The following PLCZ1 variants were observed in gnomAD, a reference collection of about 807,000 sequenced individuals.
PLCZ1 encodes 1-phosphatidylinositol 4,5-bisphosphate phosphodiesterase zeta-1.
PLCZ1 carries 64 observed loss-of-function variants against 76.8 expected under a neutral mutation model. That is an observed-to-expected ratio of 0.83 (90% CI 0.68 to 1.03). PLCZ1 has a LOEUF of 1.03. Among genes scored for constraint, PLCZ1 ranks in the 50% least tolerant of loss-of-function variants. PLCZ1 has a pLI of 0.00. For missense variants in PLCZ1, 751 were observed against 713.7 expected (o/e 1.05, Z -0.60); for synonymous variants, 248 against 230.8 (o/e 1.07, Z -0.68).
intron 3 of PLCZ1, among the ~76,000 whole-genome samples, chr12:18,724,395 C>G (rs572294596): frequency 6.6e-6 from 1 of 151,974 alleles, no homozygotes; most frequent in African/African-American, 2.4e-5. Flanking sequence ...ACTATAGTAT[C>G]ACTAACAAAT....
At chr12:18,697,201 A>C (rs1354040474) in intron 10 of PLCZ1, among the ~76,000 whole-genome samples, 2 of 152,040 alleles carry the variant, frequency 1.3e-5, no homozygotes, top group African/African-American at 4.8e-5. Flanking sequence ...GGCTCACTTC[A>C]TTTGCTAAAC....
At chr12:18,705,125 G>C (rs370540884) in intron 7 of PLCZ1, 41 bp downstream of exon 7, 10 of 1,606,382 alleles carry the variant, frequency 6.2e-6, no homozygotes, top group Admixed American at 5.0e-5. Flanking sequence ...TGTTTTCATG[G>C]ACTTTTTTCT....
At chr12:18,718,747 C>A (rs1463752292) in intron 5 of PLCZ1, among the ~76,000 whole-genome samples, 2 of 152,140 alleles carry the variant, frequency 1.3e-5, no homozygotes, top group African/African-American at 4.8e-5. Flanking sequence ...CTGTATGATT[C>A]ATTCATCCTT....
intron 2 of PLCZ1, among the ~76,000 whole-genome samples, chr12:18,736,952 C>CA (rs376695589): frequency 0.31 from 47,115 of 151,138 alleles, 7,511 homozygotes; most frequent in African/African-American, 0.37. Flanking sequence ...GTATGAAAAA[C>CA]GAAAAAAATT....
At chr12:18,720,627 A>T (rs530947728) in intron 4 of PLCZ1, among the ~76,000 whole-genome samples, 6 of 152,028 alleles carry the variant, frequency 3.9e-5, no homozygotes, top group African/African-American at 1.4e-4. Flanking sequence ...TTTAGTTGCT[A>T]TTATTACTGT....
intron 7 of PLCZ1, among the ~76,000 whole-genome samples, chr12:18,702,408 C>A (rs931310340): frequency 3.3e-5 from 5 of 152,064 alleles, no homozygotes; most frequent in Non-Finnish European, 7.4e-5. Context: ...GTTATTCCTG[C>A]CCTTAGGATA....
At chr12:18,732,768 G>A (rs1959126539) in intron 3 of PLCZ1, among the ~76,000 whole-genome samples, 1 of 152,004 alleles carries the variant, frequency 6.6e-6, no homozygotes, top group African/African-American at 2.4e-5. Context: ...ATGTCCTCTA[G>A]TTTTACCCAT....
Position 18,693,342 on chromosome 12 carries a change from G to T in PLCZ1, c.1461+1568C>A, listed in dbSNP as rs1487567418. On this transcript the variant is annotated intron_variant, in intron 12 of 14. Transcript: ENST00000266505. ...CCAAGAGACCTATGCAGATACTGGGGGGTTGGACAACCAAATTCGGGAAAT... is the reference window on the plus strand; with the variant it reads ...CCAAGAGACCTATGCAGATACTGGGTGGTTGGACAACCAAATTCGGGAAAT... The T allele has an allele frequency of 3.2e-6, 5 of 1,573,904 alleles. No homozygotes were observed. In the East Asian group the frequency reaches 6.7e-5, roughly 21 times the overall value.
intron 6 of PLCZ1, among the ~76,000 whole-genome samples, chr12:18,711,401 G>T: frequency 9.5e-6 from 1 of 105,182 alleles, no homozygotes. Context: ...GGGGGAGGGG[G>T]GAGGGATAGC....
the PLCZ1 span, among the ~76,000 whole-genome samples, chr12:18,674,408 G>A: frequency 7.9e-5 from 12 of 152,134 alleles, no homozygotes; most frequent in East Asian, 7.8e-4. Flanking sequence ...CAGTGGAAGC[G>A]TGTTGGTTTT....
At chr12:18,676,026 G>A in the PLCZ1 span, among the ~76,000 whole-genome samples, 4 of 151,684 alleles carry the variant, frequency 2.6e-5, no homozygotes, top group African/African-American at 9.7e-5. Flanking sequence ...AAAACTTTTT[G>A]AAAGAAAGGA....
chr12:18,704,971 A>G (rs536780369), intron 7 of PLCZ1, among the ~76,000 whole-genome samples, 195 bp downstream of exon 7: 49 of 152,268 alleles, frequency 3.2e-4, no homozygotes, highest in Middle Eastern at 3.4e-3. Context: ...ATATATATAT[A>G]AATTTTAATC....
the PLCZ1 span, among the ~76,000 whole-genome samples, chr12:18,650,694 GTGTGTGTGTGTATATATCTA>G: frequency 2.4e-3 from 93 of 38,844 alleles, 6 homozygotes; most frequent in South Asian, 7.4e-3. Flanking sequence ...GTGTGTGTGT[GTGTGTGTGTGTATATATCTA>G]TATATATATA....
intron 10 of PLCZ1, 69 bp from the exon 11 acceptor site, chr12:18,696,335 T>G (rs1955013440): frequency 3.9e-6 from 1 of 255,746 alleles, no homozygotes; most frequent in Admixed American, 5.9e-5. Flanking sequence ...TATATATATA[T>G]ATATATATAT....
At chr12:18,701,367 T>C in intron 9 of PLCZ1, 134 bp downstream of exon 9, 1 of 1,467,762 alleles carries the variant, frequency 6.8e-7, no homozygotes, top group East Asian at 2.4e-5. Context: ...GTTTTCAAAG[T>C]AAATTGTAAA....
At chr12:18,681,211 T>G (rs1952379177), downstream of PLCZ1, among the ~76,000 whole-genome samples, 1 of 152,026 alleles carries the variant, frequency 6.6e-6, no homozygotes, top group Admixed American at 6.6e-5. Context: ...AGTACAAAGT[T>G]GGTTCCTGAC....
At chr12:18,725,605 CA>C (rs756770244) in intron 3 of PLCZ1, among the ~76,000 whole-genome samples, 1 of 152,084 alleles carries the variant, frequency 6.6e-6, no homozygotes, top group Admixed American at 6.6e-5. Flanking sequence ...CCTTTGTCTT[CA>C]AGACAAAACC....
chr12:18,652,019 TTTTC>T, the PLCZ1 span, among the ~76,000 whole-genome samples: 1 of 152,168 alleles, frequency 6.6e-6, no homozygotes, highest in East Asian at 1.9e-4. Context: ...ATAAAACATA[TTTTC>T]TTTGTTAGTT....
the PLCZ1 span, among the ~76,000 whole-genome samples, chr12:18,653,014 C>G: frequency 6.6e-6 from 1 of 151,934 alleles, no homozygotes; most frequent in African/African-American, 2.4e-5. Flanking sequence ...ACACAGTCAC[C>G]CCCTCAAACC....
Sources: gnomAD v4.1 joint callset for allele counts (sites outside exome capture counted in the v4.1 genomes callset) on GRCh38, gnomAD v4.1.1 for gene constraint, MANE v1.5 for transcripts, NCBI Gene and HGNC (gene_info 2026-07-23, HGNC 2026-07-21) for gene names.